Variants in KAZN observed in about 807,000 individuals in gnomAD.
KAZN encodes kazrin.
Under a neutral mutation model 87.4 loss-of-function variants are expected in KAZN, and 40 were observed. The ratio of observed to expected loss-of-function variants is 0.46; its 90% CI spans 0.36 to 0.60. The LOEUF (loss-of-function observed/expected upper bound fraction) is 0.60. KAZN is among the 20% of genes least tolerant of loss of function. The pLI is 0.00. For missense variants in KAZN, 898 were observed against 1,073.9 expected, an observed-to-expected ratio of 0.84 and a Z score of 2.29; for synonymous variants, 466 against 458.3, an observed-to-expected ratio of 1.02 and a Z score of -0.22.
intron 1 of KAZN, among the ~76,000 whole-genome samples, chr1:14,932,535 T>G (rs1659962980): frequency 6.6e-6 from 1 of 152,108 alleles, no homozygotes; most frequent in African/African-American, 2.4e-5. Flanking sequence ...AGCTTTAAAT[T>G]GTACTTAATT....
At chr1:14,960,403 G>C (rs1212234551) in intron 1 of KAZN, among the ~76,000 whole-genome samples, 2 of 152,128 alleles carry the variant, frequency 1.3e-5, no homozygotes, top group Non-Finnish European at 2.9e-5. Flanking sequence ...TAAGACCGTC[G>C]GCCACCAGAG....
intron 1 of KAZN, among the ~76,000 whole-genome samples, chr1:14,778,317 T>C (rs1303720138): frequency 6.6e-6 from 1 of 151,934 alleles, no homozygotes; most frequent in Non-Finnish European, 1.5e-5. Flanking sequence ...TGCTGGCTGG[T>C]TGTTGTGTCA....
At chr1:14,351,900 G>A (rs1396497237) in intron 2 of KAZN, among the ~76,000 whole-genome samples, 1 of 152,124 alleles carries the variant, frequency 6.6e-6, no homozygotes, top group African/African-American at 2.4e-5. Context: ...TGCTCTTTTA[G>A]AGAATCATAT....
At chr1:14,933,356 G>C (rs6693856) in intron 1 of KAZN, among the ~76,000 whole-genome samples, 2,338 of 152,128 alleles carry the variant, frequency 0.015, 51 homozygotes, top group African/African-American at 0.054. Context: ...GCCTCCCAAA[G>C]TGCTGGGATT....
intron 2 of KAZN, among the ~76,000 whole-genome samples, chr1:14,318,579 G>A (rs971854755): frequency 1.3e-5 from 2 of 152,024 alleles, no homozygotes. Flanking sequence ...TTCTTAGACT[G>A]TGATGTATAG....
intron 1 of KAZN, among the ~76,000 whole-genome samples, chr1:14,140,870 G>A (rs1302224325): frequency 6.6e-6 from 1 of 152,174 alleles, no homozygotes; most frequent in East Asian, 1.9e-4. Flanking sequence ...TGGGAAGAAA[G>A]ACGTCCTGTC....
rs938399937 is a variant in KAZN, at chr1:15,066,667, T to G, written c.1222+914T>G. On this transcript the variant is annotated intron_variant, in intron 8 of 14. Transcript: ENST00000376030. The surrounding 1 kb of genome is among the most constrained non-coding windows in gnomAD (Gnocchi z 4.3). ...AAATATTGGAATGTCTATTTTTCCA[T>G]GGGGTGGGCGGGAGGTGGGTGTCTC... 1.0e-6 allele frequency: 1 copy of G among 977,022 alleles called. No homozygotes were observed. Among genetic ancestry groups the G allele is most frequent in the East Asian group, 1.1e-4 (1 of 8,782 alleles). 60.5% of individuals were successfully genotyped at this position (977,022 alleles called of 1,614,324 possible). A position where few individuals can be genotyped will look rare whatever the true frequency, so the allele number is the denominator to read the frequency against.
Position 13,923,068 on chromosome 1 carries a change from G to C in KAZN, c.91+29312G>C, listed in dbSNP as rs950161426. 5.3e-5 allele frequency among the ~76,000 whole-genome samples: 8 copies of C among 150,910 alleles called. No homozygotes were observed. In the East Asian group the frequency reaches 1.6e-3, roughly 29 times the overall value. On this transcript the variant is annotated intron_variant, in intron 1 of 16. Coordinates refer to the KAZN transcript ENST00000636203. Reference sequence around the variant, plus strand: ...TGACCTGGAGCAACCTGGGGATTAGGATTACTGACATCTTCCTCCTGGACA... The same window carrying C: ...TGACCTGGAGCAACCTGGGGATTAGCATTACTGACATCTTCCTCCTGGACA...
At chr1:14,829,555 G>C (rs964615159) in intron 1 of KAZN, among the ~76,000 whole-genome samples, 6 of 152,308 alleles carry the variant, frequency 3.9e-5, no homozygotes, top group Admixed American at 2.0e-4. Context: ...GGGTGACAGA[G>C]CAAGACTCTG....
At chr1:14,895,829 G>T (rs975059118) in intron 1 of KAZN, among the ~76,000 whole-genome samples, 3 of 152,176 alleles carry the variant, frequency 2.0e-5, no homozygotes, top group African/African-American at 7.2e-5. Context: ...AAGGTGTATA[G>T]TTAGGTCAGT....
In KAZN at chr1:14,960,721, A is replaced by G; in HGVS notation, c.264A>G (p.Glu88=). ...AAGAAGTGTCGCGGCTCCAGGAGGA[A>G]GTTCACCTTCTCCGGCAGATGAAGG... ...LREEVSRLQE[E]VHLLRQMKEM... Residue 88 remains glutamate (E), a synonymous_variant, in exon 2 of 15, where the codon GAA becomes GAG. Coordinates refer to ENST00000376030, the MANE Select transcript of KAZN (RefSeq NM_201628.3). 1.9e-6 allele frequency: 3 copies of G among 1,583,538 alleles called. No individual in the cohort carries two copies. The highest frequency in any genetic ancestry group is 2.6e-6 in the Non-Finnish European group (3 of 1,163,892).
intron 1 of KAZN, among the ~76,000 whole-genome samples, chr1:14,801,824 C>T (rs1361860713): frequency 6.6e-6 from 1 of 151,500 alleles, no homozygotes; most frequent in Non-Finnish European, 1.5e-5. Context: ...GCTGGGACTA[C>T]AGGCACCCGC....
intron 1 of KAZN, among the ~76,000 whole-genome samples, chr1:14,027,136 C>T (rs1484877799): frequency 2.0e-5 from 3 of 152,206 alleles, no homozygotes; most frequent in African/African-American, 7.2e-5. Flanking sequence ...TCAAACTTTG[C>T]CTTTTCTTGG....
At chr1:14,574,165 TG>T (rs1349991394) in intron 2 of KAZN, among the ~76,000 whole-genome samples, 2 of 152,184 alleles carry the variant, frequency 1.3e-5, no homozygotes, top group Non-Finnish European at 2.9e-5. Flanking sequence ...AGGAAGAAAG[TG>T]ACTGTCATTC....
chr1:14,660,175 C>T (rs1639059054), intron 1 of KAZN, among the ~76,000 whole-genome samples: 1 of 152,280 alleles, frequency 6.6e-6, no homozygotes, highest in Admixed American at 6.5e-5. Context: ...TACTGAGTCA[C>T]CTGCAACTGC....
intron 1 of KAZN, among the ~76,000 whole-genome samples, chr1:14,001,332 C>T (rs1286781323): frequency 6.6e-6 from 1 of 152,042 alleles, no homozygotes; most frequent in African/African-American, 2.4e-5. Context: ...AACTACAAAC[C>T]ACTGTTCAAG....
chr1:13,906,368 A>G (rs1197344180), intron 1 of KAZN, among the ~76,000 whole-genome samples: 1 of 152,228 alleles, frequency 6.6e-6, no homozygotes, highest in East Asian at 1.9e-4. Flanking sequence ...AGAGAAATAC[A>G]GAGCCTCCTG....
At chr1:14,767,571 A>G (rs112804595) in intron 1 of KAZN, among the ~76,000 whole-genome samples, 1 of 152,232 alleles carries the variant, frequency 6.6e-6, no homozygotes, top group Non-Finnish European at 1.5e-5. Flanking sequence ...AAGCCAAAAT[A>G]CCATCCCTAG....
At chr1:13,999,215 G>A (rs950662225) in intron 1 of KAZN, among the ~76,000 whole-genome samples, 2 of 152,116 alleles carry the variant, frequency 1.3e-5, no homozygotes, top group Non-Finnish European at 2.9e-5. Context: ...TGGGTGTGGT[G>A]GTGTGCACCT....
Sources: gnomAD v4.1 joint callset for allele counts (sites outside exome capture counted in the v4.1 genomes callset) on GRCh38, gnomAD v4.1.1 for gene constraint, Gnocchi (gnomAD v3.1) non-coding constraint, MANE v1.5 for transcripts, NCBI Gene and HGNC (gene_info 2026-07-23, HGNC 2026-07-21) for gene names.